Variants in CD86 observed in about 807,000 individuals in gnomAD.
CD86 encodes CD86 molecule.
A neutral mutation model predicts 32.1 loss-of-function variants in CD86; 11 were observed. That is an observed-to-expected ratio of 0.34 (90% CI 0.22 to 0.57). CD86 has a LOEUF of 0.57. CD86 is among the 20% of genes least tolerant of loss of function. CD86 has a pLI of 0.86. For synonymous variants in CD86, 137 were observed against 135.3 expected (o/e 1.01, Z -0.09); for missense variants, 359 against 398.4 (o/e 0.90, Z 0.84).
At chr3:122,114,523 C>T (rs1457110033) in intron 5 of CD86, among the ~76,000 whole-genome samples, 1 of 151,946 alleles carries the variant, frequency 6.6e-6, no homozygotes, top group African/African-American at 2.4e-5. Flanking sequence ...GTGTCCAGGC[C>T]CCTCTGAAGG....
chr3:122,118,584 C>T (rs111309310), intron 6 of CD86, among the ~76,000 whole-genome samples: 106 of 149,100 alleles, frequency 7.1e-4, no homozygotes, highest in African/African-American at 2.4e-3. Context: ...TTCTTAAAAA[C>T]CCTTTCCCAA....
intron 2 of CD86, among the ~76,000 whole-genome samples, chr3:122,103,143 G>GTAAC (rs1250262729): frequency 2.0e-5 from 3 of 150,606 alleles, no homozygotes; most frequent in Admixed American, 6.6e-5. Context: ...TTATAGGAAG[G>GTAAC]TAACTGGTGG....
At chr3:122,079,190 A>G (rs1356185400) in intron 1 of CD86, among the ~76,000 whole-genome samples, 1 of 152,226 alleles carries the variant, frequency 6.6e-6, no homozygotes, top group Non-Finnish European at 1.5e-5. Context: ...AAATTGTTCT[A>G]TGTGACTATA....
intron 1 of CD86, among the ~76,000 whole-genome samples, chr3:122,074,728 C>T (rs2072533902): frequency 1.3e-5 from 2 of 152,158 alleles, no homozygotes; most frequent in South Asian, 4.1e-4. Context: ...GGTCAACTTC[C>T]ACACCCACAC....
At chr3:122,072,426 C>T (rs1412133475) in intron 1 of CD86, among the ~76,000 whole-genome samples, 1 of 151,618 alleles carries the variant, frequency 6.6e-6, no homozygotes, top group Non-Finnish European at 1.5e-5. Context: ...GCCATTCTAA[C>T]TGGTGTGAGA....
rs1289564014 is a variant in CD86, at chr3:122,119,912, G to T, written c.*378G>T. The T allele has an allele frequency of 1.2e-5, 2 of 165,590 alleles. No individual in the cohort carries two copies. Among genetic ancestry groups the T allele is most frequent in the Non-Finnish European group, 2.4e-5 (2 of 83,184 alleles). The allele number at this position is 165,590 out of a possible 1,614,324, so 10.3% of individuals were successfully genotyped here. ...ATTTCTGGAAAACTGCCTTTTATCT[G>T]CCCAGAATTCTAAGCTGGTGCCCCA... On this transcript the variant is annotated 3_prime_UTR_variant, in exon 7 of 7. Transcript: ENST00000330540.
At chr3:122,081,109 T>C (rs985811089) in intron 1 of CD86, among the ~76,000 whole-genome samples, 1 of 152,220 alleles carries the variant, frequency 6.6e-6, no homozygotes, top group African/African-American at 2.4e-5. Context: ...AAATTAAATA[T>C]GAATTCCTTA....
chr3:122,089,827 T>C (rs1298299728), intron 1 of CD86, among the ~76,000 whole-genome samples: 1 of 152,216 alleles, frequency 6.6e-6, no homozygotes, highest in East Asian at 1.9e-4. Context: ...TGTCATCCAA[T>C]AGAATACAAT....
At chr3:122,090,037 CAT>C (rs1044954196) in intron 1 of CD86, among the ~76,000 whole-genome samples, 2 of 152,114 alleles carry the variant, frequency 1.3e-5, no homozygotes, top group African/African-American at 4.8e-5. Context: ...AAACTGGTAA[CAT>C]GTAACAGTGA....
intron 2 of CD86, among the ~76,000 whole-genome samples, chr3:122,101,448 G>A (rs1200363127): frequency 6.9e-6 from 1 of 145,978 alleles, no homozygotes; most frequent in African/African-American, 2.6e-5. Context: ...TGGTCTGTGA[G>A]TGGACAGAAT....
intron 2 of CD86, among the ~76,000 whole-genome samples, chr3:122,093,268 C>T (rs536478791): frequency 1.1e-4 from 16 of 152,256 alleles, no homozygotes; most frequent in African/African-American, 3.9e-4. Flanking sequence ...GCAATTCTCC[C>T]ACCTCAGCCT....
intron 2 of CD86, among the ~76,000 whole-genome samples, chr3:122,095,526 T>G (rs1001295860): frequency 2.6e-5 from 4 of 152,306 alleles, no homozygotes; most frequent in East Asian, 1.9e-4. Flanking sequence ...AGCTCATTCC[T>G]GTGGAAAGGT....
rs543589700 is a variant in CD86, at chr3:122,091,593, G to A, written c.15-8G>A. 4 of 1,599,220 alleles carry A rather than the reference G, an allele frequency of 2.5e-6. No individual in the cohort carries two copies. The highest frequency in any genetic ancestry group is 2.2e-5 in the East Asian group (1 of 44,740). On this transcript the variant is annotated splice_region_variant and splice_polypyrimidine_tract_variant and intron_variant, in intron 1 of 6. Coordinates refer to ENST00000330540, the MANE Select transcript of CD86 (RefSeq NM_175862.5). The stretch of plus-strand genomic sequence containing the variant: ...ATCAAGTTTTACCTTTTTTTTTCTC[G>A]ACTCTAGCACTATGGGACTGAGTAA...
intron 4 of CD86, 143 bp downstream of exon 4, chr3:122,106,643 C>A: frequency 2.9e-6 from 2 of 683,456 alleles, no homozygotes; most frequent in Non-Finnish European, 5.0e-6. Flanking sequence ...AGATGGAGGT[C>A]TCCTGCTTCT....
chr3:122,111,272 G>T (rs1270913017), intron 5 of CD86, among the ~76,000 whole-genome samples: 1 of 152,196 alleles, frequency 6.6e-6, no homozygotes, highest in Non-Finnish European at 1.5e-5. Context: ...TGTAAATTTG[G>T]ATTCTGTAAC....
intron 1 of CD86, among the ~76,000 whole-genome samples, chr3:122,065,783 A>G (rs1205500218): frequency 6.6e-6 from 1 of 152,188 alleles, no homozygotes; most frequent in Non-Finnish European, 1.5e-5. Context: ...CTTTGAGGAA[A>G]TAAGATTCTA....
At chr3:122,061,960 G>A (rs111700762) in intron 1 of CD86, among the ~76,000 whole-genome samples, 6,804 of 152,086 alleles carry the variant, frequency 0.045, 220 homozygotes, top group South Asian at 0.11. Flanking sequence ...TGGGTGAATC[G>A]TAACACAAAC....
chr3:122,068,274 T>C (rs904543483), intron 1 of CD86, among the ~76,000 whole-genome samples: 3 of 152,184 alleles, frequency 2.0e-5, no homozygotes, highest in Non-Finnish European at 4.4e-5. Flanking sequence ...CATGCTTCCC[T>C]AAATATTAAA....
At chr3:122,060,818 A>T (rs1470162197) in intron 1 of CD86, among the ~76,000 whole-genome samples, 2 of 152,200 alleles carry the variant, frequency 1.3e-5, no homozygotes, top group Non-Finnish European at 2.9e-5. Context: ...GCAAGTTGAG[A>T]TTTGAGGCTT....
Sources: allele counts gnomAD v4.1 joint callset (sites outside exome capture counted in the v4.1 genomes callset), GRCh38; gene constraint gnomAD v4.1.1; transcripts MANE v1.5; gene names NCBI Gene and HGNC (gene_info 2026-07-23, HGNC 2026-07-21).